The following SF3B1 variants were observed in gnomAD, a reference collection of about 807,000 sequenced individuals.
SF3B1 encodes pre-mRNA processing 10.
Under a neutral mutation model 153.8 loss-of-function variants are expected in SF3B1, and 12 were observed. The ratio of observed to expected loss-of-function variants is 0.08; its 90% confidence interval spans 0.05 to 0.13. The LOEUF (loss-of-function observed/expected upper bound fraction) is 0.13. SF3B1 is among the 10% of genes least tolerant of loss of function. The pLI is 1.00. For missense variants in SF3B1, 513 were observed against 1,606.1 expected (o/e 0.32, Z 11.63); for synonymous variants, 498 against 525.2 (o/e 0.95, Z 0.71).
In SF3B1 at chr2:197,394,147, G is replaced by C. The variant is rs559066388; in HGVS notation, c.3540-959C>G. Among the ~76,000 whole-genome samples the C allele has an allele frequency of 9.1e-4, 138 of 152,000 alleles. 1 individual carries two copies. Among genetic ancestry groups the C allele is most frequent in the African/African-American group, 3.2e-3 (131 of 41,458 alleles). On this transcript the variant is annotated intron_variant, in intron 23 of 24. Transcript: ENST00000335508. ...TGCAGTGAGTCGAGATTGTGCCACT[G>C]CACTCCAGCCTAGGCAACAAGAGTG...
chr2:197,399,763 C>T (rs2084919069), intron 20 of SF3B1, among the ~76,000 whole-genome samples: 1 of 152,150 alleles, frequency 6.6e-6, no homozygotes, highest in Non-Finnish European at 1.5e-5. Flanking sequence ...ACCTGACACA[C>T]TATTTCTACT....
At chr2:197,415,454 C>T (rs1317323446) in intron 6 of SF3B1, among the ~76,000 whole-genome samples, 1 of 152,012 alleles carries the variant, frequency 6.6e-6, no homozygotes, top group African/African-American at 2.4e-5. Flanking sequence ...CAGGGTTTCA[C>T]TACGTTGGCC....
rs370666718 is a variant in SF3B1 at position 197,435,023 on chromosome 2, G to A, written c.-24C>T. The A allele has an allele frequency of 1.1e-5, 18 of 1,614,250 alleles. No individual in the cohort carries two copies. Among genetic ancestry groups the A allele is most frequent in the South Asian group, 4.4e-5 (4 of 91,090 alleles). On this transcript the variant is annotated 5_prime_UTR_variant, in exon 1 of 25. Transcript: ENST00000335508. The stretch of plus-strand genomic sequence containing the variant: ...ATTTTGTCCACTCGAACACACAGAC[G>A]GAACTGGCGCTCCCAAGAACTTCCG...
intron 9 of SF3B1, among the ~76,000 whole-genome samples, chr2:197,405,936 T>C (rs1027990212): frequency 3.9e-5 from 6 of 152,072 alleles, no homozygotes; most frequent in African/African-American, 1.4e-4. Flanking sequence ...ATCTTTTAAG[T>C]GTAAAACTCT....
At chr2:197,406,642 G>A (rs775881283) in intron 9 of SF3B1, among the ~76,000 whole-genome samples, 31 of 152,232 alleles carry the variant, frequency 2.0e-4, no homozygotes, top group Middle Eastern at 3.2e-3. Flanking sequence ...GACTACGACT[G>A]AGAAAGACAT....
Position 197,421,069 on chromosome 2 carries a change from G to A in SF3B1, c.260C>T (p.Pro87Leu), listed in dbSNP as rs1024741639. ...TGGTATATCATTAAGCAATGCCACAGGGGCATGATATCCTGGCTTCTTCTG... is the reference window on the plus strand; with the variant it reads ...TGGTATATCATTAAGCAATGCCACAAGGGCATGATATCCTGGCTTCTTCTG... Reference protein sequence around the residue: ...LGQKKPGYHAPVALLNDIPQS... With the variant: ...LGQKKPGYHALVALLNDIPQS... The change falls in exon 3 of 25, where the codon CCT becomes CTT. Residue 87 changes from proline to leucine, a missense_variant. Coordinates refer to ENST00000335508, the MANE Select transcript of SF3B1 (RefSeq NM_012433.4). The A allele has an allele frequency of 6.2e-7, 1 of 1,613,112 alleles. No individual in the cohort carries two copies. The highest frequency in any genetic ancestry group is 8.5e-7 in the Non-Finnish European group (1 of 1,179,406).
In SF3B1 at chr2:197,390,194, T is replaced by C. The variant is rs553858323; in HGVS notation, c.*2109A>G. 6.6e-6 allele frequency: 1 copy of C among 152,174 alleles called. No homozygotes were observed. Among genetic ancestry groups the C allele is most frequent in the Non-Finnish European group, 1.5e-5 (1 of 68,022 alleles). The allele number at this position is 152,174 out of a possible 1,614,324, so 9.4% of individuals were successfully genotyped here. Reference sequence around the variant, plus strand: ...CCTCTCTATCCTCAAATTATTTGCATCAGTAAAAAAAGTTAATTAAGGTGT... The same window carrying C: ...CCTCTCTATCCTCAAATTATTTGCACCAGTAAAAAAAGTTAATTAAGGTGT... On this transcript the variant is annotated 3_prime_UTR_variant, in exon 25 of 25. Coordinates refer to ENST00000335508, the MANE Select transcript of SF3B1 (RefSeq NM_012433.4).
intron 2 of SF3B1, among the ~76,000 whole-genome samples, chr2:197,421,489 T>C (rs1002031951): frequency 1.3e-5 from 2 of 152,182 alleles, no homozygotes; most frequent in African/African-American, 4.8e-5. Context: ...TTCTACTTTC[T>C]TTTTTTAACT....
intron 1 of SF3B1, among the ~76,000 whole-genome samples, chr2:197,425,664 G>A (rs1358498686): frequency 3.9e-5 from 6 of 152,026 alleles, no homozygotes; most frequent in Non-Finnish European, 8.8e-5. Flanking sequence ...TCTAAGGCAC[G>A]GCTGGGTCAC....
intron 3 of SF3B1, 124 bp from the exon 4 acceptor site, chr2:197,420,666 C>T (rs865808275): frequency 1.7e-6 from 1 of 581,892 alleles, no homozygotes; most frequent in Non-Finnish European, 3.0e-6. Context: ...TATTCTGTAC[C>T]GTTTCACAGA....
At chr2:197,398,727 A>G (rs2084903787) in intron 20 of SF3B1, 146 bp from the exon 21 acceptor site, 4 of 725,344 alleles carry the variant, frequency 5.5e-6, no homozygotes, top group Non-Finnish European at 9.0e-6. Flanking sequence ...TTCTGACCAG[A>G]CTCAGAATCG....
At position 197,420,550 on chromosome 2, in the gene SF3B1, G is replaced by C; in HGVS notation, c.301-8C>G. On this transcript the variant is annotated splice_region_variant and splice_polypyrimidine_tract_variant and intron_variant, in intron 3 of 24. Coordinates refer to ENST00000335508, the MANE Select transcript of SF3B1 (RefSeq NM_012433.4). The stretch of plus-strand genomic sequence containing the variant: ...CTCAGCAAATGGATCATACTGAAAA[G>C]AGGTATGTCTCACTTAATATCCACT... The C allele has an allele frequency of 6.5e-7, 1 of 1,550,360 alleles. No homozygotes were observed. Among genetic ancestry groups the C allele is most frequent in the Non-Finnish European group, 8.8e-7 (1 of 1,133,952 alleles).
intron 23 of SF3B1, 179 bp from the exon 24 acceptor site, chr2:197,393,367 C>T (rs576965420): frequency 8.5e-4 from 499 of 589,412 alleles, no homozygotes; most frequent in Non-Finnish European, 1.4e-3. Context: ...TCTAATATAT[C>T]CTTTAGAATA....
At chr2:197,425,941 G>A (rs912530488) in intron 1 of SF3B1, among the ~76,000 whole-genome samples, 1 of 151,676 alleles carries the variant, frequency 6.6e-6, no homozygotes, top group Admixed American at 6.6e-5. Context: ...CAAGGCTGCA[G>A]TAAGCCACGA....
chr2:197,408,530 C>A lies in SF3B1; in HGVS notation c.956G>T (p.Gly319Val). 6.2e-7 allele frequency: 1 copy of A among 1,613,256 alleles called. No individual in the cohort carries two copies. Among genetic ancestry groups the A allele is most frequent in the Non-Finnish European group, 8.5e-7 (1 of 1,179,978 alleles). ...GWAETPRTDR[G>V]GDSIGETPTP... ...CGGTGTTTCACCAATAGAATCTCCA[C>A]CTCGATCTGTTCGAGGAGTCTCAGC... is the stretch of plus-strand genomic sequence containing the variant. The change falls in exon 8 of 25, where the codon GGT (glycine) becomes GTT (valine). Residue 319 changes from glycine to valine, a missense_variant. Gly to Val is a moderately radical substitution (Grantham distance 109, BLOSUM62 -3). Around this residue, in one of 21 missense-constraint regions of SF3B1, gnomAD observed 91 missense variants for 157.4 expected, o/e 0.58. Coordinates refer to ENST00000335508, the MANE Select transcript of SF3B1 (RefSeq NM_012433.4).
chr2:197,411,818 C>A (rs2085072614), intron 6 of SF3B1, among the ~76,000 whole-genome samples: 1 of 152,072 alleles, frequency 6.6e-6, no homozygotes, highest in South Asian at 2.1e-4. Flanking sequence ...CTACTCAGGG[C>A]TGGGCATGGT....
chr2:197,393,941 T>C (rs892710988), intron 23 of SF3B1, among the ~76,000 whole-genome samples: 2 of 151,848 alleles, frequency 1.3e-5, no homozygotes, highest in African/African-American at 2.4e-5. Context: ...CCTAGCGCTT[T>C]GGGAGGCCGA....
At chr2:197,418,827 C>T (rs2085195622) in intron 4 of SF3B1, 2 of 1,510,706 alleles carry the variant, frequency 1.3e-6, no homozygotes, top group African/African-American at 1.4e-5. Flanking sequence ...CATATAAAAA[C>T]AAAATGACAG....
chr2:197,434,894 A>G, intron 1 of SF3B1, 78 bp downstream of exon 1: 3 of 1,491,368 alleles, frequency 2.0e-6, no homozygotes, highest in South Asian at 1.1e-5. Context: ...AACCATAGAA[A>G]AAGGCAGAAT....
Sources: gnomAD v4.1 joint callset for allele counts (sites outside exome capture counted in the v4.1 genomes callset) on GRCh38, gnomAD v4.1.1 for gene constraint, gnomAD v4.1.1 regional missense constraint, MANE v1.5 for transcripts, NCBI Gene and HGNC (gene_info 2026-07-23, HGNC 2026-07-21) for gene names.